Variants in RBFOX1 observed in about 807,000 individuals in gnomAD.
The protein encoded by RBFOX1 is RNA binding protein fox-1 homolog 1.
Under a neutral mutation model 57.7 loss-of-function variants are expected in RBFOX1, and 8 were observed. The observed-to-expected ratio is 0.14, with a 90% CI of 0.08 to 0.25. The LOEUF (loss-of-function observed/expected upper bound fraction) is 0.25, where lower values mean the gene tolerates loss of function less well. Ranked by LOEUF, RBFOX1 falls within the 10% of genes least tolerant of loss-of-function variation. The probability of loss-of-function intolerance (pLI) is 1.00; values close to 1 mark genes in which losing one functional copy is unlikely to be tolerated. For missense variants in RBFOX1, 611 were observed against 548.5 expected, an observed-to-expected ratio of 1.11 and a Z score of -1.14; for synonymous variants, 326 against 222.4, an observed-to-expected ratio of 1.47 and a Z score of -4.15.
chr16:7,066,502 A>ATTTGGT (rs2056074220), intron 4 of RBFOX1, among the ~76,000 whole-genome samples: 2 of 152,182 alleles, frequency 1.3e-5, no homozygotes, highest in Non-Finnish European at 2.9e-5. Context: ...GGTTAGTTAG[A>ATTTGGT]AATTTAAATA....
At chr16:6,490,303 C>G (rs913865846) in intron 2 of RBFOX1, among the ~76,000 whole-genome samples, 1 of 152,128 alleles carries the variant, frequency 6.6e-6, no homozygotes. Context: ...ATCCAGAAAA[C>G]CAAGACAGAA....
At chr16:7,126,883 C>G (rs2068702157) in intron 4 of RBFOX1, among the ~76,000 whole-genome samples, 1 of 151,856 alleles carries the variant, frequency 6.6e-6, no homozygotes, top group Non-Finnish European at 1.5e-5. Context: ...GTGGCAGGCA[C>G]CTGTAATCCC....
chr16:7,067,294 C>G (rs2056294743), intron 4 of RBFOX1, among the ~76,000 whole-genome samples: 1 of 107,646 alleles, frequency 9.3e-6, no homozygotes. Flanking sequence ...TATTGTGGCC[C>G]TAACAAATTA....
intron 3 of RBFOX1, among the ~76,000 whole-genome samples, chr16:7,026,572 C>T (rs533195892): frequency 1.3e-5 from 2 of 152,284 alleles, no homozygotes; most frequent in South Asian, 2.1e-4. Flanking sequence ...TCCCCGTCCC[C>T]TCTCCTGGCA....
chr16:7,117,324 C>T (rs909009226), intron 4 of RBFOX1, among the ~76,000 whole-genome samples: 5 of 152,148 alleles, frequency 3.3e-5, no homozygotes, highest in African/African-American at 9.6e-5. Flanking sequence ...ACTTTTGATT[C>T]GGTGGTAATG....
intron 3 of RBFOX1, among the ~76,000 whole-genome samples, chr16:5,728,665 C>T (rs2052245231): frequency 6.6e-6 from 1 of 152,208 alleles, no homozygotes; most frequent in Admixed American, 6.5e-5. Flanking sequence ...GTAGGTCACT[C>T]TGAGAATATC....
At chr16:6,096,605 G>A (rs1403954317) in intron 1 of RBFOX1, among the ~76,000 whole-genome samples, 1 of 152,038 alleles carries the variant, frequency 6.6e-6, no homozygotes, top group Admixed American at 6.6e-5. Flanking sequence ...GGAAGTTTTG[G>A]GATTCTGTGA....
chr16:7,474,873 T>TA (rs1454784406), intron 4 of RBFOX1, among the ~76,000 whole-genome samples: 1 of 152,230 alleles, frequency 6.6e-6, no homozygotes, highest in Non-Finnish European at 1.5e-5. Flanking sequence ...GCCATTTAGT[T>TA]ACCTGAATCC....
chr16:5,325,063 A>G (rs1214232971), intron 1 of RBFOX1, among the ~76,000 whole-genome samples: 1 of 152,194 alleles, frequency 6.6e-6, no homozygotes, highest in East Asian at 1.9e-4. Context: ...ATGAGCCGCT[A>G]AACTTAAAAG....
chr16:6,548,004 C>G (rs922303374), intron 2 of RBFOX1, among the ~76,000 whole-genome samples: 3 of 152,132 alleles, frequency 2.0e-5, no homozygotes, highest in Non-Finnish European at 4.4e-5. Flanking sequence ...TTAATCATAG[C>G]CCTTATTATC....
chr16:7,375,149 G>C (rs777665813), intron 4 of RBFOX1, among the ~76,000 whole-genome samples: 1 of 152,150 alleles, frequency 6.6e-6, no homozygotes, highest in Non-Finnish European at 1.5e-5. Flanking sequence ...TTTCAGTAAC[G>C]TTGGTAGATT....
In RBFOX1 at chr16:5,432,455, G is replaced by A. The variant is rs973044496; in HGVS notation, c.220-34761G>A. On this transcript the variant is annotated intron_variant, in intron 1 of 2. Coordinates refer to the RBFOX1 transcript ENST00000585867. ...TGTCCGTCATTATCCCTTGTCTATT[G>A]CTTTTTATTGGTGTTGGATTAAGTT... is the stretch of plus-strand genomic sequence containing the variant. Among the ~76,000 whole-genome samples, 81 of 150,328 alleles carry A rather than the reference G, an allele frequency of 5.4e-4. 3 individuals are homozygous for A. The highest frequency in any genetic ancestry group is 1.0e-4 in the Non-Finnish European group (7 of 67,692).
intron 1 of RBFOX1, among the ~76,000 whole-genome samples, chr16:6,062,925 G>A (rs747504665): frequency 6.6e-6 from 1 of 152,080 alleles, no homozygotes; most frequent in East Asian, 1.9e-4. Context: ...CAGAATTTCT[G>A]TGTTACAGTC....
At chr16:6,335,952 G>C (rs935256657) in intron 2 of RBFOX1, among the ~76,000 whole-genome samples, 51 of 150,386 alleles carry the variant, frequency 3.4e-4, no homozygotes, top group Non-Finnish European at 4.4e-5. Flanking sequence ...GGCAGTGGGT[G>C]AGAGACGCAG....
At chr16:7,572,856 A>C (rs1325329029) in intron 5 of RBFOX1, among the ~76,000 whole-genome samples, 3 of 151,848 alleles carry the variant, frequency 2.0e-5, no homozygotes, top group African/African-American at 7.3e-5. Context: ...TAAATAAATA[A>C]ATAAATAAAA....
intron 5 of RBFOX1, among the ~76,000 whole-genome samples, chr16:7,548,852 T>A (rs1212544384): frequency 6.6e-6 from 1 of 152,210 alleles, no homozygotes; most frequent in Non-Finnish European, 1.5e-5. Context: ...TGTTCCTGCC[T>A]ATTAGTTAGG....
intron 2 of RBFOX1, among the ~76,000 whole-genome samples, chr16:6,555,203 T>A (rs1229006320): frequency 6.6e-6 from 1 of 152,198 alleles, no homozygotes; most frequent in African/African-American, 2.4e-5. Flanking sequence ...GACCAGAGAA[T>A]GTTCCCTGCA....
At chr16:6,610,454 A>C (rs2098029076) in intron 2 of RBFOX1, among the ~76,000 whole-genome samples, 1 of 152,020 alleles carries the variant, frequency 6.6e-6, no homozygotes, top group South Asian at 2.1e-4. Flanking sequence ...CAGCCTCCAG[A>C]GTAGCTGGAA....
chr16:7,554,955 A>C (rs926161647), intron 5 of RBFOX1, among the ~76,000 whole-genome samples: 1 of 152,228 alleles, frequency 6.6e-6, no homozygotes, highest in African/African-American at 2.4e-5. Context: ...CAAGTAGAAC[A>C]CTAAGGAAAT....
Sources: gnomAD v4.1 joint callset for allele counts (sites outside exome capture counted in the v4.1 genomes callset) on GRCh38, gnomAD v4.1.1 for gene constraint, MANE v1.5 for transcripts, NCBI Gene and HGNC (gene_info 2026-07-23, HGNC 2026-07-21) for gene names.